Variants in FAF1 observed in about 807,000 individuals in gnomAD.
FAF1 encodes the protein FAS-associated factor 1.
Under a neutral mutation model 92.5 loss-of-function variants are expected in FAF1, and 25 were observed. The ratio of observed to expected loss-of-function variants is 0.27; its 90% confidence interval spans 0.20 to 0.38. The LOEUF (loss-of-function observed/expected upper bound fraction) is 0.38. Among genes scored for constraint, FAF1 ranks in the 10% least tolerant of loss-of-function variants. The probability of loss-of-function intolerance (pLI) is 1.00; values close to 1 mark genes in which losing one functional copy is unlikely to be tolerated. For missense variants in FAF1, 636 were observed against 793.3 expected, an observed-to-expected ratio of 0.80 and a Z score of 2.38; for synonymous variants, 234 against 273.2, an observed-to-expected ratio of 0.86 and a Z score of 1.42.
chr1:50,793,020 T>G (rs559229643), intron 3 of FAF1, among the ~76,000 whole-genome samples: 43 of 152,012 alleles, frequency 2.8e-4, no homozygotes, highest in African/African-American at 1.0e-3. Flanking sequence ...TATGGCGGAG[T>G]CTCGAACTGA....
intron 6 of FAF1, among the ~76,000 whole-genome samples, chr1:50,712,590 A>G (rs1389158201): frequency 6.6e-6 from 1 of 152,170 alleles, no homozygotes; most frequent in Non-Finnish European, 1.5e-5. Context: ...TGGGAGGCAG[A>G]GGTTGCAGTG....
At chr1:50,574,059 G>A (rs1446137178) in intron 12 of FAF1, among the ~76,000 whole-genome samples, 2 of 152,162 alleles carry the variant, frequency 1.3e-5, no homozygotes, top group African/African-American at 4.8e-5. Context: ...CTGGGAGGCA[G>A]AGGTTGTAGT....
chr1:50,724,227 G>A (rs1002072085), intron 6 of FAF1, among the ~76,000 whole-genome samples: 1 of 114,512 alleles, frequency 8.7e-6, no homozygotes, highest in Admixed American at 1.0e-4. Context: ...GACAGAGCAA[G>A]ACTGTCTTTC....
At chr1:50,665,912 C>G (rs1274302311) in intron 7 of FAF1, among the ~76,000 whole-genome samples, 1 of 152,050 alleles carries the variant, frequency 6.6e-6, no homozygotes, top group African/African-American at 2.4e-5. Flanking sequence ...TGCAGAGGAT[C>G]ACACCTGTAA....
At chr1:50,723,493 C>T (rs982149218) in intron 6 of FAF1, among the ~76,000 whole-genome samples, 14 of 151,964 alleles carry the variant, frequency 9.2e-5, no homozygotes, top group African/African-American at 2.2e-4. Flanking sequence ...TCTACTATGA[C>T]GCTTCTCAGT....
At chr1:50,887,985 C>T (rs1421937449) in intron 1 of FAF1, among the ~76,000 whole-genome samples, 2 of 152,142 alleles carry the variant, frequency 1.3e-5, no homozygotes, top group South Asian at 2.1e-4. Context: ...GCCATTTTCA[C>T]GATATTGATT....
At chr1:50,497,540 C>CT (rs61258960) in intron 15 of FAF1, among the ~76,000 whole-genome samples, 2,205 of 100,506 alleles carry the variant, frequency 0.022, 224 homozygotes, top group African/African-American at 0.028. Context: ...ATTCAAAACT[C>CT]TTTTTTTTTT....
At chr1:50,740,993 A>C (rs1039053334) in intron 5 of FAF1, among the ~76,000 whole-genome samples, 4 of 152,236 alleles carry the variant, frequency 2.6e-5, no homozygotes, top group African/African-American at 4.8e-5. Flanking sequence ...CCACATATGG[A>C]AAGATTAAAT....
rs149497464 is a variant in FAF1 at position 50,950,684 on chromosome 1, C to G, written c.45+9083G>C. Among the ~76,000 whole-genome samples, 219 of 152,316 alleles carry G rather than the reference C, an allele frequency of 1.4e-3. 1 individual carries two copies. The highest frequency in any genetic ancestry group is 5.0e-3 in the African/African-American group (208 of 41,572). On this transcript the variant is annotated intron_variant, in intron 1 of 18. Coordinates refer to ENST00000396153, the MANE Select transcript of FAF1 (RefSeq NM_007051.3). ...CTAATCTAGAGACACTATGTGCATT[C>G]CAAGGCTTCTGAACACCTGTGAACA...
At chr1:50,739,031 A>G (rs1659255734) in intron 5 of FAF1, 77 bp from the exon 6 acceptor site, 2 of 938,074 alleles carry the variant, frequency 2.1e-6, no homozygotes, top group African/African-American at 3.4e-5. Flanking sequence ...TAATTCTTGA[A>G]AAATTGTTAA....
intron 1 of FAF1, among the ~76,000 whole-genome samples, chr1:50,892,924 G>T (rs1170852135): frequency 6.6e-6 from 1 of 151,936 alleles, no homozygotes; most frequent in African/African-American, 2.4e-5. Flanking sequence ...TTTTTAAGCA[G>T]GTTGTCTTCA....
chr1:50,824,730 A>T (rs1039216331), intron 2 of FAF1, among the ~76,000 whole-genome samples: 12 of 152,178 alleles, frequency 7.9e-5, no homozygotes, highest in Non-Finnish European at 1.5e-5. Flanking sequence ...ATTTAAAAAC[A>T]TATGGTGCAT....
intron 1 of FAF1, among the ~76,000 whole-genome samples, chr1:50,906,019 A>T (rs1206549387): frequency 6.6e-6 from 1 of 152,220 alleles, no homozygotes; most frequent in Non-Finnish European, 1.5e-5. Flanking sequence ...TACGTCTAAC[A>T]TTTGAGTCTT....
intron 18 of FAF1, among the ~76,000 whole-genome samples, chr1:50,453,440 A>G (rs1234667145): frequency 6.6e-6 from 1 of 152,168 alleles, no homozygotes; most frequent in African/African-American, 2.4e-5. Context: ...TGCCGGTGTG[A>G]TTTATTCTGA....
intron 1 of FAF1, among the ~76,000 whole-genome samples, chr1:50,905,690 G>A (rs1644831985): frequency 6.6e-6 from 1 of 152,208 alleles, no homozygotes; most frequent in Non-Finnish European, 1.5e-5. Context: ...CTTTTGAGAA[G>A]TGTCTGTTAA....
At chr1:50,451,980 C>G (rs974316963) in intron 18 of FAF1, 85 of 1,182,000 alleles carry the variant, frequency 7.2e-5, no homozygotes, top group Non-Finnish European at 8.7e-5. Flanking sequence ...CAGTGGTATC[C>G]TTGATGGTGG....
intron 9 of FAF1, among the ~76,000 whole-genome samples, chr1:50,592,136 C>G (rs1651548087): frequency 2.0e-5 from 3 of 152,018 alleles, no homozygotes; most frequent in Admixed American, 2.0e-4. Context: ...GCATCTCATG[C>G]TTGCCTCAAT....
At chr1:50,589,597 T>C (rs1651406309) in intron 9 of FAF1, among the ~76,000 whole-genome samples, 1 of 152,232 alleles carries the variant, frequency 6.6e-6, no homozygotes, top group Non-Finnish European at 1.5e-5. Context: ...AGATGTATGA[T>C]TTGCAAATAT....
chr1:50,546,304 A>AAT (rs1649013225), intron 13 of FAF1, among the ~76,000 whole-genome samples: 16 of 152,226 alleles, frequency 1.1e-4, no homozygotes, highest in Admixed American at 1.0e-3. Flanking sequence ...AAAGGAAGGT[A>AAT]TTAAATTGTG....
Sources: allele counts gnomAD v4.1 joint callset (sites outside exome capture counted in the v4.1 genomes callset), GRCh38; gene constraint gnomAD v4.1.1; transcripts MANE v1.5; gene names NCBI Gene and HGNC (gene_info 2026-07-23, HGNC 2026-07-21).